VPS13B: variants seen among roughly 807,000 people sequenced by gnomAD.
The protein encoded by VPS13B is vacuolar protein sorting 13 homolog B.
In VPS13B, 285 loss-of-function variants were observed where a neutral mutation model predicts 426.4. That is an observed-to-expected ratio of 0.67 (90% CI 0.61 to 0.74). The LOEUF (loss-of-function observed/expected upper bound fraction) is 0.74, where lower values mean the gene tolerates loss of function less well. Among genes scored for constraint, VPS13B ranks in the 30% least tolerant of loss-of-function variants. The probability of loss-of-function intolerance (pLI) is 0.00; values close to 1 mark genes in which losing one functional copy is unlikely to be tolerated. For synonymous variants in VPS13B, 1,676 were observed against 1,676.4 expected (o/e 1.00, Z 0.01); for missense variants, 4,537 against 4,782.6 (o/e 0.95, Z 1.51).
At chr8:99,409,757 G>A (rs774482341) in intron 21 of VPS13B, among the ~76,000 whole-genome samples, 15 of 152,070 alleles carry the variant, frequency 9.9e-5, no homozygotes, top group Admixed American at 2.6e-4. Flanking sequence ...ACATGCTGGC[G>A]TCATAATAGA....
At chr8:99,418,500 TTTCTTTC>T (rs1816177611) in intron 21 of VPS13B, among the ~76,000 whole-genome samples, 1 of 146,850 alleles carries the variant, frequency 6.8e-6, no homozygotes, top group African/African-American at 2.6e-5. Context: ...TCTTTCTTTC[TTTCTTTC>T]TTTCTTTCCT....
intron 17 of VPS13B, among the ~76,000 whole-genome samples, chr8:99,227,322 A>G (rs763928430): frequency 6.6e-6 from 1 of 152,246 alleles, no homozygotes; most frequent in Middle Eastern, 3.4e-3. Context: ...AGAACTCTGA[A>G]AAGTAACGTA....
intron 39 of VPS13B, among the ~76,000 whole-genome samples, chr8:99,759,602 C>T (rs750690871): frequency 1.3e-5 from 2 of 152,128 alleles, no homozygotes; most frequent in Non-Finnish European, 2.9e-5. Context: ...ATTGCCAACC[C>T]CTTATTCAGT....
At chr8:99,140,878 A>G (rs570450157) in intron 12 of VPS13B, among the ~76,000 whole-genome samples, 39 of 152,304 alleles carry the variant, frequency 2.6e-4, no homozygotes, top group African/African-American at 9.1e-4. Flanking sequence ...GGTACTTGAA[A>G]GCAAGTGATG....
intron 39 of VPS13B, among the ~76,000 whole-genome samples, chr8:99,731,225 C>A (rs773476835): frequency 6.6e-6 from 1 of 152,130 alleles, no homozygotes; most frequent in African/African-American, 2.4e-5. Flanking sequence ...GAAGGAAACT[C>A]ATTTTTTGAG....
chr8:99,231,447 A>G (rs186757260), intron 17 of VPS13B, among the ~76,000 whole-genome samples: 4 of 152,182 alleles, frequency 2.6e-5, no homozygotes, highest in Non-Finnish European at 4.4e-5. Context: ...CACATACCCT[A>G]TTAAAATTCA....
At chr8:99,018,795 C>A (rs1841744372) in intron 2 of VPS13B, among the ~76,000 whole-genome samples, 1 of 151,840 alleles carries the variant, frequency 6.6e-6, no homozygotes. Context: ...TTTAAAAAAT[C>A]ATAAATGAAT....
intron 21 of VPS13B, among the ~76,000 whole-genome samples, chr8:99,392,051 G>A (rs1814477329): frequency 6.6e-6 from 1 of 152,140 alleles, no homozygotes; most frequent in Middle Eastern, 3.2e-3. Context: ...CACAGAAGCA[G>A]GATCGTATTT....
At chr8:99,577,105 A>G (rs1563805870) in intron 32 of VPS13B, among the ~76,000 whole-genome samples, 1 of 152,172 alleles carries the variant, frequency 6.6e-6, no homozygotes, top group Admixed American at 6.5e-5. Flanking sequence ...CCTAGTACTT[A>G]GGAAATGCTC....
At chr8:99,741,531 GCACCA>G (rs758703298) in intron 39 of VPS13B, among the ~76,000 whole-genome samples, 1 of 152,120 alleles carries the variant, frequency 6.6e-6, no homozygotes, top group Non-Finnish European at 1.5e-5. Flanking sequence ...ATTCTTTTCA[GCACCA>G]CACCACACCT....
At chr8:99,233,527 C>T (rs1816468415) in intron 17 of VPS13B, 2 of 1,175,068 alleles carry the variant, frequency 1.7e-6, no homozygotes, top group Non-Finnish European at 2.6e-6. Context: ...CGGGAACGGG[C>T]CAAACTGGTG....
chr8:99,830,239 G>A (rs1052183242), intron 51 of VPS13B, among the ~76,000 whole-genome samples: 1 of 152,200 alleles, frequency 6.6e-6, no homozygotes, highest in Non-Finnish European at 1.5e-5. Context: ...AGGGAGATGG[G>A]AGTTTGATCT....
intron 13 of VPS13B, among the ~76,000 whole-genome samples, chr8:99,147,531 G>A (rs1266348312): frequency 1.3e-5 from 2 of 152,090 alleles, no homozygotes; most frequent in East Asian, 3.9e-4. Flanking sequence ...TCTGTGTCTT[G>A]CCTTTACATT....
At chr8:99,327,165 A>G (rs1031627584) in intron 19 of VPS13B, among the ~76,000 whole-genome samples, 9 of 152,132 alleles carry the variant, frequency 5.9e-5, no homozygotes, top group African/African-American at 1.9e-4. Flanking sequence ...GTGTGTCATG[A>G]TTGATGGTGT....
chr8:99,153,204 T>C (rs2132614733), intron 14 of VPS13B, among the ~76,000 whole-genome samples: 3 of 152,224 alleles, frequency 2.0e-5, no homozygotes, highest in East Asian at 1.9e-4. Context: ...TTTTAAAAAG[T>C]AGGTTTTTTT....
chr8:99,355,999 G>C (rs1245757301), intron 19 of VPS13B, among the ~76,000 whole-genome samples: 1 of 152,102 alleles, frequency 6.6e-6, no homozygotes, highest in Non-Finnish European at 1.5e-5. Flanking sequence ...CCTAGGTTAG[G>C]GGTGCTACCC....
At chr8:99,847,692 G>A (rs1419368980) in intron 54 of VPS13B, among the ~76,000 whole-genome samples, 1 of 152,172 alleles carries the variant, frequency 6.6e-6, no homozygotes, top group African/African-American at 2.4e-5. Flanking sequence ...GCTGAAGATG[G>A]TCAGAAATTC....
At chr8:99,270,275 A>G (rs1378702488) in intron 17 of VPS13B, among the ~76,000 whole-genome samples, 2 of 150,802 alleles carry the variant, frequency 1.3e-5, no homozygotes, top group Non-Finnish European at 3.0e-5. Flanking sequence ...ATTAGCTGGA[A>G]TTACAGGTGC....
intron 39 of VPS13B, among the ~76,000 whole-genome samples, chr8:99,742,490 C>G (rs1317361213): frequency 6.6e-6 from 1 of 152,114 alleles, no homozygotes; most frequent in East Asian, 1.9e-4. Flanking sequence ...CCAGCATCAT[C>G]CTGATACCAA....
Sources: allele counts gnomAD v4.1 joint callset (sites outside exome capture counted in the v4.1 genomes callset), GRCh38; gene constraint gnomAD v4.1.1; transcripts MANE v1.5; gene names NCBI Gene and HGNC (gene_info 2026-07-23, HGNC 2026-07-21).